CYTH3: variants seen among roughly 807,000 people sequenced by gnomAD.
The protein encoded by CYTH3 is cytohesin-3.
Under a neutral mutation model 55.1 loss-of-function variants are expected in CYTH3, and 23 were observed. That is an observed-to-expected ratio of 0.42 (90% CI 0.30 to 0.59). The LOEUF (loss-of-function observed/expected upper bound fraction) is 0.59. CYTH3 is among the 20% of genes least tolerant of loss of function. The pLI, the probability that CYTH3 is intolerant of heterozygous loss-of-function variation, is 0.20. For synonymous variants in CYTH3, 249 were observed against 194.9 expected (o/e 1.28, Z -2.31); for missense variants, 413 against 524.8 (o/e 0.79, Z 2.08).
chr7:6,168,148 G>A (rs1362818840), intron 9 of CYTH3, among the ~76,000 whole-genome samples: 8 of 151,998 alleles, frequency 5.3e-5, no homozygotes, highest in African/African-American at 1.2e-4. Flanking sequence ...GCAGGCAGGC[G>A]CGTACGTGCA....
At chr7:6,259,832 A>T (rs9801405) in intron 1 of CYTH3, among the ~76,000 whole-genome samples, 1,824 of 17,584 alleles carry the variant, frequency 0.1, 136 homozygotes, top group Admixed American at 0.11. Context: ...ATATATATAT[A>T]TTTTTTTTTT....
intron 9 of CYTH3, among the ~76,000 whole-genome samples, chr7:6,166,174 C>T (rs1438167642): frequency 6.6e-6 from 1 of 152,220 alleles, no homozygotes; most frequent in East Asian, 1.9e-4. Context: ...AGGTGGTTAT[C>T]GCATTACAGA....
intron 1 of CYTH3, 110 bp downstream of exon 1, chr7:6,272,364 C>T (rs1780686612): frequency 7.4e-6 from 8 of 1,088,034 alleles, no homozygotes; most frequent in Non-Finnish European, 9.2e-6. Context: ...GCCGCTGCCC[C>T]CGACCCCGTC....
intron 1 of CYTH3, among the ~76,000 whole-genome samples, chr7:6,222,746 C>CA (rs537257938): frequency 0.024 from 1,553 of 64,982 alleles, 27 homozygotes; most frequent in African/African-American, 0.071. Flanking sequence ...GACTCCGTTT[C>CA]AAAAAAAAAA....
At chr7:6,193,062 C>T (rs1783840955) in intron 1 of CYTH3, among the ~76,000 whole-genome samples, 1 of 149,898 alleles carries the variant, frequency 6.7e-6, no homozygotes, top group African/African-American at 2.5e-5. Context: ...ATCCCAGTTA[C>T]TGGGGAGGCT....
At chr7:6,187,147 C>T (rs1312569693) in intron 3 of CYTH3, 31 bp from the exon 4 acceptor site, 3 of 1,603,496 alleles carry the variant, frequency 1.9e-6, no homozygotes, top group African/African-American at 1.3e-5. Flanking sequence ...AAAAATCACT[C>T]ATGCTGTTTT....
intron 4 of CYTH3, among the ~76,000 whole-genome samples, chr7:6,186,630 T>C (rs978611064): frequency 6.6e-6 from 1 of 152,188 alleles, no homozygotes; most frequent in Non-Finnish European, 1.5e-5. Context: ...ACCCAGATTA[T>C]AAAGTCCGTA....
intron 1 of CYTH3, among the ~76,000 whole-genome samples, chr7:6,250,007 C>A (rs1222994195): frequency 6.6e-6 from 1 of 152,184 alleles, no homozygotes; most frequent in East Asian, 1.9e-4. Context: ...ACCAACTTCT[C>A]CCCACTTGCC....
chr7:6,195,493 C>T (rs1436484480), intron 1 of CYTH3, among the ~76,000 whole-genome samples: 1 of 152,096 alleles, frequency 6.6e-6, no homozygotes, highest in Non-Finnish European at 1.5e-5. Context: ...CTCACTCTCT[C>T]ACCCAGGCTG....
At chr7:6,194,662 A>C (rs1032526918) in intron 1 of CYTH3, among the ~76,000 whole-genome samples, 1 of 151,696 alleles carries the variant, frequency 6.6e-6, no homozygotes, top group African/African-American at 2.4e-5. Context: ...AATAACATCA[A>C]AGAAGCCCAT....
rs377557223 is a variant in CYTH3 at position 6,271,485 on chromosome 7, GA to G, written c.34+988del. 6.2e-3 allele frequency among the ~76,000 whole-genome samples: 875 copies of G among 140,876 alleles called. 8 individuals are homozygous for G. Among genetic ancestry groups the G allele is most frequent in the African/African-American group, 0.017 (678 of 38,826 alleles). The allele number at this position is 140,876 out of a possible 152,430, so 92.4% of individuals were successfully genotyped here. On this transcript the variant is annotated intron_variant, in intron 1 of 12. Coordinates refer to ENST00000350796, the MANE Select transcript of CYTH3 (RefSeq NM_004227.4). Reference sequence around the variant, plus strand: ...CTGTCAGCTCAAAGGAGATCTTCAGGAAAAAAAAAAAAAGTCTAGAGAACCT... The same window carrying G: ...CTGTCAGCTCAAAGGAGATCTTCAGGAAAAAAAAAAAAGTCTAGAGAACCT...
chr7:6,226,644 T>C (rs1431735029), intron 1 of CYTH3, among the ~76,000 whole-genome samples: 2 of 152,204 alleles, frequency 1.3e-5, no homozygotes, highest in Admixed American at 1.3e-4. Flanking sequence ...GTTGTGAGTA[T>C]TTGTATTCCC....
At chr7:6,242,849 C>G (rs916738487) in intron 1 of CYTH3, among the ~76,000 whole-genome samples, 4 of 152,102 alleles carry the variant, frequency 2.6e-5, no homozygotes. Flanking sequence ...CTGCCACCCT[C>G]TAGGCAGTCC....
chr7:6,209,805 A>G (rs1334561154), intron 1 of CYTH3, among the ~76,000 whole-genome samples: 1 of 152,264 alleles, frequency 6.6e-6, no homozygotes, highest in Non-Finnish European at 1.5e-5. Flanking sequence ...CAAGCCTTGA[A>G]AAGACATAAA....
At chr7:6,222,841 G>A (rs1784582893) in intron 1 of CYTH3, among the ~76,000 whole-genome samples, 1 of 151,242 alleles carries the variant, frequency 6.6e-6, no homozygotes, top group African/African-American at 2.4e-5. Context: ...CACATTTTCA[G>A]GTGACGGTTA....
intron 1 of CYTH3, among the ~76,000 whole-genome samples, chr7:6,221,065 G>C (rs941697538): frequency 6.6e-5 from 10 of 151,762 alleles, no homozygotes; most frequent in African/African-American, 1.9e-4. Context: ...ATTTATTCCA[G>C]AGAAATTAAA....
rs528867860 is a variant in CYTH3 at position 6,191,079 on chromosome 7, G to GA, written c.35-549dup. On this transcript the variant is annotated intron_variant, in intron 1 of 12. Coordinates refer to ENST00000350796, the MANE Select transcript of CYTH3 (RefSeq NM_004227.4). ...GCAACAGAGGGAGATTCTGTTTCGGGAAAAAAAAAAAATTAAAAAGAATGA... is the reference window on the plus strand; with the variant it reads ...GCAACAGAGGGAGATTCTGTTTCGGGAAAAAAAAAAAAATTAAAAAGAATGA... Among the ~76,000 whole-genome samples, 1,211 of 142,690 alleles carry GA rather than the reference G, an allele frequency of 8.5e-3. 9 individuals are homozygous for GA. The highest frequency in any genetic ancestry group is 0.011 in the Non-Finnish European group (746 of 65,214). 93.6% of individuals were successfully genotyped at this position (142,690 alleles called of 152,430 possible).
Position 6,272,620 on chromosome 7 carries a change from C to G in CYTH3, c.-113G>C, listed in dbSNP as rs1355780652. 1 of 796,182 alleles carries G rather than the reference C, an allele frequency of 1.3e-6. No homozygotes were observed. The highest frequency in any genetic ancestry group is 5.8e-5 in the Admixed American group (1 of 17,288). The allele number at this position is 796,182 out of a possible 1,614,324, so 49.3% of individuals were successfully genotyped here. On this transcript the variant is annotated 5_prime_UTR_variant, in exon 1 of 13. Coordinates refer to ENST00000350796, the MANE Select transcript of CYTH3 (RefSeq NM_004227.4). ...GACCGGGCGGCTCCTCAGCGCGCGGCCCGGGTCGCGGCCGGGCCTCCTCCC... is the reference window on the plus strand; with the variant it reads ...GACCGGGCGGCTCCTCAGCGCGCGGGCCGGGTCGCGGCCGGGCCTCCTCCC...
At chr7:6,263,817 A>AG in intron 1 of CYTH3, among the ~76,000 whole-genome samples, 1 of 151,878 alleles carries the variant, frequency 6.6e-6, no homozygotes, top group African/African-American at 2.4e-5. Flanking sequence ...AAAAAAAAAA[A>AG]GTTCAACACA....
Sources: gnomAD v4.1 joint callset for allele counts (sites outside exome capture counted in the v4.1 genomes callset) on GRCh38, gnomAD v4.1.1 for gene constraint, MANE v1.5 for transcripts, NCBI Gene and HGNC (gene_info 2026-07-23, HGNC 2026-07-21) for gene names.